Variants in GRM4 observed in about 807,000 individuals in gnomAD.
GRM4 encodes glutamate metabotropic receptor 4, also known as metabotropic glutamate receptor 4.
A neutral mutation model predicts 81.7 loss-of-function variants in GRM4; 28 were observed. The ratio of observed to expected loss-of-function variants is 0.34; its 90% CI spans 0.25 to 0.47. The LOEUF (loss-of-function observed/expected upper bound fraction) is 0.47, where lower values mean the gene tolerates loss of function less well. Among genes scored for constraint, GRM4 ranks in the 20% least tolerant of loss-of-function variants. The pLI is 1.00. For missense variants in GRM4, 948 were observed against 1,290.0 expected (o/e 0.73, Z 4.06); for synonymous variants, 488 against 528.8 (o/e 0.92, Z 1.06).
In GRM4 at chr6:34,154,544, C is replaced by T. The variant is rs554036959; in HGVS notation, c.312+535G>A. Among the ~76,000 whole-genome samples, 1,270 of 151,106 alleles carry T rather than the reference C, an allele frequency of 8.4e-3. 14 individuals carry two copies. Among genetic ancestry groups the T allele is most frequent in the Non-Finnish European group, 0.012 (792 of 67,922 alleles). Reference sequence around the variant, plus strand: ...AACAAATGTGACATGGGTGGGTGGTCGGATGGACAGACAGATGGGAGGTTA... The same window carrying T: ...AACAAATGTGACATGGGTGGGTGGTTGGATGGACAGACAGATGGGAGGTTA... On this transcript the variant is annotated intron_variant, in intron 1 of 8. Transcript: ENST00000374177.
At chr6:34,095,683 C>T (rs1240696635) in intron 2 of GRM4, among the ~76,000 whole-genome samples, 2 of 152,092 alleles carry the variant, frequency 1.3e-5, no homozygotes, top group Admixed American at 6.5e-5. Flanking sequence ...CTGACTTTAC[C>T]TCCTAGGACT....
intron 1 of GRM4, among the ~76,000 whole-genome samples, chr6:34,154,627 A>ACACACACACT (rs960059081): frequency 1.4e-5 from 2 of 142,810 alleles, no homozygotes; most frequent in African/African-American, 5.1e-5. Flanking sequence ...ACACACACAC[A>ACACACACACT]CTCTTAGACT....
intron 6 of GRM4, among the ~76,000 whole-genome samples, chr6:34,044,354 A>G (rs2127449855): frequency 6.6e-6 from 1 of 151,424 alleles, no homozygotes; most frequent in South Asian, 2.1e-4. Flanking sequence ...ACATACACAT[A>G]TATACACAGA....
rs1393029068 is a variant in GRM4, at chr6:34,152,048, C to T, written c.312+3031G>A. Among the ~76,000 whole-genome samples, 2 of 152,122 alleles carry T rather than the reference C, an allele frequency of 1.3e-5. No homozygotes were observed. Among genetic ancestry groups the T allele is most frequent in the Non-Finnish European group, 2.9e-5 (2 of 68,026 alleles). On this transcript the variant is annotated intron_variant, in intron 1 of 8. Transcript: ENST00000374177. This position sits in a 1 kb window ranked among gnomAD's most constrained non-coding sequence, Gnocchi z 4.1. ...CTGTCTTCCAAGCAAGCTCCAGGCC[C>T]CTTGGCACAGGGCAAAGACCACACA...
chr6:34,038,151 T>C (rs1420411466), intron 8 of GRM4, among the ~76,000 whole-genome samples: 3 of 152,198 alleles, frequency 2.0e-5, no homozygotes, highest in African/African-American at 7.2e-5. Context: ...GAAAACTCTG[T>C]GATTCAGATG....
At chr6:34,099,802 T>G (rs1768736320) in intron 2 of GRM4, among the ~76,000 whole-genome samples, 1 of 152,144 alleles carries the variant, frequency 6.6e-6, no homozygotes, top group Non-Finnish European at 1.5e-5. Context: ...TGGGTGGTCT[T>G]TGGGAGGAGC....
In GRM4 at chr6:34,070,828, A is replaced by C. The variant is rs1325335831; in HGVS notation, c.737-8800T>G. Among the ~76,000 whole-genome samples, 2 of 148,170 alleles carry C rather than the reference A, an allele frequency of 1.3e-5. No homozygotes were observed. The highest frequency in any genetic ancestry group is 3.0e-5 in the Non-Finnish European group (2 of 67,082). On this transcript the variant is annotated intron_variant, in intron 3 of 10. Transcript: ENST00000538487. This position sits in a 1 kb window ranked among gnomAD's most constrained non-coding sequence, Gnocchi z 4.6. ...CACACACACACACACACGGCAATGC[A>C]CACCCTTACAAAATCACATACTACA... is the stretch of plus-strand genomic sequence containing the variant.
chr6:34,077,329 T>G (rs2451356), intron 3 of GRM4, among the ~76,000 whole-genome samples: 1 of 151,890 alleles, frequency 6.6e-6, no homozygotes, highest in Non-Finnish European at 1.5e-5. Flanking sequence ...AGGCTGGCTC[T>G]GGAGCCCCAG....
At chr6:34,109,236 G>C (rs1040256571) in intron 2 of GRM4, among the ~76,000 whole-genome samples, 1 of 152,232 alleles carries the variant, frequency 6.6e-6, no homozygotes, top group Non-Finnish European at 1.5e-5. Context: ...GGCTCCCCCT[G>C]TCCAGGTTCG....
chr6:34,023,256 A>G (rs970360276), intron 10 of GRM4, among the ~76,000 whole-genome samples: 1 of 152,186 alleles, frequency 6.6e-6, no homozygotes, highest in Non-Finnish European at 1.5e-5. Flanking sequence ...GCCACCTCCT[A>G]ATTCTACCAC....
intron 4 of GRM4, 30 bp downstream of exon 4, chr6:34,061,863 G>A (rs930521725): frequency 6.9e-6 from 11 of 1,597,536 alleles, no homozygotes; most frequent in South Asian, 2.2e-5. Context: ...CATGGCTCCC[G>A]GTGCCCACCC....
Position 34,114,853 on chromosome 6 carries a change from C to T in GRM4, c.519+18125G>A, listed in dbSNP as rs1010835811. On this transcript the variant is annotated intron_variant, in intron 2 of 10. Coordinates refer to ENST00000538487, the MANE Select transcript of GRM4 (RefSeq NM_000841.4). The surrounding 1 kb of genome is among the most constrained non-coding windows in gnomAD (Gnocchi z 4.3). ...TCCAGGAAGGACCCAGATTTATTCA[C>T]TCGGCAATCCTGCCCATCCCCACCA... Among the ~76,000 whole-genome samples, 2 of 152,194 alleles carry T rather than the reference C, an allele frequency of 1.3e-5. No individual in the cohort carries two copies. The highest frequency in any genetic ancestry group is 2.9e-5 in the Non-Finnish European group (2 of 68,034).
rs1349769317 is a variant in GRM4, at chr6:34,021,901, A to G, written c.*920T>C. ...TAGAAATGTTCTTGGTATAAAAACA[A>G]TCATGCGCTACACATTGTCGTCAAT... is the stretch of plus-strand genomic sequence containing the variant. On this transcript the variant is annotated 3_prime_UTR_variant, in exon 11 of 11. Transcript: ENST00000538487. The surrounding 1 kb of genome is among the most constrained non-coding windows in gnomAD (Gnocchi z 5.3). 6.5e-6 allele frequency: 1 copy of G among 152,876 alleles called. No individual in the cohort carries two copies. The highest frequency in any genetic ancestry group is 2.4e-5 in the African/African-American group (1 of 41,448). 9.5% of individuals were successfully genotyped at this position (152,876 alleles called of 1,614,324 possible).
intron 6 of GRM4, among the ~76,000 whole-genome samples, chr6:34,051,288 G>C (rs530340731): frequency 6.6e-6 from 1 of 152,188 alleles, no homozygotes; most frequent in African/African-American, 2.4e-5. Context: ...AATGTGGGTT[G>C]CTCCAAAAAT....
chr6:34,065,888 C>T (rs1446993275), intron 3 of GRM4, among the ~76,000 whole-genome samples: 2 of 152,182 alleles, frequency 1.3e-5, no homozygotes. Flanking sequence ...AGGCTCTCAC[C>T]ACTGCGCTGG....
At position 34,091,872 on chromosome 6, in the gene GRM4, G is replaced by A. The variant is rs774682135; in HGVS notation, c.736+11C>T. The stretch of plus-strand genomic sequence containing the variant: ...GCCTGGCATGACTCTGCGGCCAGGC[G>A]TTTGACTCACCGTCCTCACGGGACT... On this transcript the variant is annotated intron_variant, in intron 3 of 10. Transcript: ENST00000538487. 6.9e-6 allele frequency: 11 copies of A among 1,597,714 alleles called. No individual in the cohort carries two copies. Among genetic ancestry groups the A allele is most frequent in the Middle Eastern group, 1.7e-4 (1 of 5,922 alleles).
chr6:34,139,064 C>G (rs1334423461), intron 1 of GRM4, among the ~76,000 whole-genome samples: 3 of 152,374 alleles, frequency 2.0e-5, no homozygotes, highest in South Asian at 4.1e-4. Context: ...CCCAGGCAGT[C>G]AGCCAGAATG....
At chr6:34,122,985 G>A (rs1769875931) in intron 2 of GRM4, among the ~76,000 whole-genome samples, 1 of 152,214 alleles carries the variant, frequency 6.6e-6, no homozygotes, top group Non-Finnish European at 1.5e-5. Context: ...CCAGGAGGCA[G>A]GCCGTGGAAG....
chr6:34,039,741 C>T (rs62398073), intron 8 of GRM4, among the ~76,000 whole-genome samples: 6,959 of 152,280 alleles, frequency 0.046, 224 homozygotes, highest in Middle Eastern at 0.095. Flanking sequence ...ACCGTTCAAC[C>T]TGGGTCCTTT....
Sources: gnomAD v4.1 joint callset for allele counts (sites outside exome capture counted in the v4.1 genomes callset) on GRCh38, gnomAD v4.1.1 for gene constraint, Gnocchi (gnomAD v3.1) non-coding constraint, MANE v1.5 for transcripts, NCBI Gene and HGNC (gene_info 2026-07-23, HGNC 2026-07-21) for gene names.